LINGO2: variants seen among roughly 807,000 people sequenced by gnomAD.
The protein encoded by LINGO2 is leucine-rich repeat and immunoglobulin-like domain-containing nogo receptor-interacting protein 2.
A neutral mutation model predicts 30.6 loss-of-function variants in LINGO2; 14 were observed. The ratio of observed to expected loss-of-function variants is 0.46; its 90% confidence interval spans 0.30 to 0.72. The LOEUF (loss-of-function observed/expected upper bound fraction) is 0.72, where lower values mean the gene tolerates loss of function less well. Ranked by LOEUF, LINGO2 falls within the 30% of genes least tolerant of loss-of-function variation. LINGO2 has a pLI of 0.07. For synonymous variants in LINGO2, 317 were observed against 288.5 expected, an observed-to-expected ratio of 1.10 and a Z score of -1.00; for missense variants, 729 against 751.7, an observed-to-expected ratio of 0.97 and a Z score of 0.35.
At chr9:28,139,492 A>C (rs943568034) in intron 4 of LINGO2, among the ~76,000 whole-genome samples, 1 of 152,244 alleles carries the variant, frequency 6.6e-6, no homozygotes, top group African/African-American at 2.4e-5. Flanking sequence ...ACTGGGGCAC[A>C]AATGTAGAAA....
chr9:28,174,921 T>TGA lies in LINGO2; in HGVS notation c.-87+120285_-87+120286dup, dbSNP rs71502440. 1.5e-3 allele frequency among the ~76,000 whole-genome samples: 195 copies of TGA among 133,404 alleles called. 1 individual carries two copies. The East Asian group carries it at 0.016, about 11-fold the overall frequency. The allele number at this position is 133,404 out of a possible 152,430, so 87.5% of individuals were successfully genotyped here. On this transcript the variant is annotated intron_variant, in intron 4 of 5. Transcript: ENST00000379992. ...CTCTGTGTGTGTGTGTGTGTGTGTG[T>TGA]GAGAGAGAGAGAGAGAGAGAGAGAG... is the stretch of plus-strand genomic sequence containing the variant.
chr9:28,242,305 G>T (rs916519264), intron 4 of LINGO2, among the ~76,000 whole-genome samples: 1 of 152,108 alleles, frequency 6.6e-6, no homozygotes, highest in Non-Finnish European at 1.5e-5. Flanking sequence ...GAAAAACATA[G>T]CATGAGAACT....
the LINGO2 span, among the ~76,000 whole-genome samples, chr9:28,793,032 C>T: frequency 6.6e-6 from 1 of 152,124 alleles, no homozygotes; most frequent in Non-Finnish European, 1.5e-5. Context: ...TAAAGATACA[C>T]ACCCTGCCAC....
the LINGO2 span, among the ~76,000 whole-genome samples, chr9:29,090,965 C>G: frequency 6.6e-6 from 1 of 151,884 alleles, no homozygotes; most frequent in Admixed American, 6.6e-5. Flanking sequence ...ATTATAATTC[C>G]TACATGCACA....
At chr9:27,999,863 T>G (rs978032007) in intron 5 of LINGO2, among the ~76,000 whole-genome samples, 1 of 152,172 alleles carries the variant, frequency 6.6e-6, no homozygotes, top group East Asian at 1.9e-4. Flanking sequence ...CCATTAAAAG[T>G]AATGGCAAAA....
At chr9:28,484,867 C>T (rs1480348355) in intron 1 of LINGO2, among the ~76,000 whole-genome samples, 1 of 152,040 alleles carries the variant, frequency 6.6e-6, no homozygotes, top group Non-Finnish European at 1.5e-5. Flanking sequence ...TTGTGAGCAA[C>T]CCACAGACAA....
At chr9:27,949,896 G>A in exon 6 of LINGO2, 1 of 1,614,048 alleles carries the variant, frequency 6.2e-7, no homozygotes, top group Non-Finnish European at 8.5e-7. Context: ...AGACAGATTG[G>A]TGTTGGTGAC....
At chr9:28,224,114 G>C (rs757595698) in intron 4 of LINGO2, among the ~76,000 whole-genome samples, 4 of 152,162 alleles carry the variant, frequency 2.6e-5, no homozygotes, top group Non-Finnish European at 5.9e-5. Flanking sequence ...GCCCAGGCTG[G>C]AGTGCAGTGG....
chr9:27,994,154 AC>A (rs1320554763), intron 5 of LINGO2, among the ~76,000 whole-genome samples: 2 of 152,084 alleles, frequency 1.3e-5, no homozygotes, highest in East Asian at 3.9e-4. Flanking sequence ...CAAAAGTAGT[AC>A]TAAACGGAAA....
At chr9:28,630,629 A>C (rs1205040915) in intron 1 of LINGO2, among the ~76,000 whole-genome samples, 1 of 152,128 alleles carries the variant, frequency 6.6e-6, no homozygotes, top group Non-Finnish European at 1.5e-5. Flanking sequence ...GGAGGCTTCT[A>C]ATGCTATCAA....
At chr9:28,076,474 CT>C (rs141575683) in intron 4 of LINGO2, among the ~76,000 whole-genome samples, 1 of 150,264 alleles carries the variant, frequency 6.7e-6, no homozygotes, top group Admixed American at 6.6e-5. Context: ...TTACCTCAAG[CT>C]TTTTTTTTCA....
chr9:28,307,358 G>A (rs1055682860), intron 3 of LINGO2, among the ~76,000 whole-genome samples: 1 of 151,952 alleles, frequency 6.6e-6, no homozygotes, highest in Non-Finnish European at 1.5e-5. Context: ...ATGCAGAAAA[G>A]GCCTTTGACA....
chr9:28,331,259 G>A (rs1825408131), intron 3 of LINGO2, among the ~76,000 whole-genome samples: 1 of 151,614 alleles, frequency 6.6e-6, no homozygotes, highest in South Asian at 2.1e-4. Context: ...GAATATAGAA[G>A]CAAACAACTT....
intron 4 of LINGO2, among the ~76,000 whole-genome samples, chr9:28,279,881 T>C (rs1003866836): frequency 6.6e-6 from 1 of 152,166 alleles, no homozygotes; most frequent in East Asian, 1.9e-4. Context: ...GAATACACCA[T>C]ATTCATATAA....
intron 1 of LINGO2, among the ~76,000 whole-genome samples, chr9:28,492,565 G>A (rs954450793): frequency 6.6e-6 from 1 of 151,990 alleles, no homozygotes; most frequent in African/African-American, 2.4e-5. Flanking sequence ...TTAAAAGTAG[G>A]GCTTTACAAA....
At chr9:28,559,502 T>TGA (rs1822927159) in intron 1 of LINGO2, among the ~76,000 whole-genome samples, 1 of 152,116 alleles carries the variant, frequency 6.6e-6, no homozygotes, top group African/African-American at 2.4e-5. Flanking sequence ...TAGTATGCTC[T>TGA]TCCAACCTCA....
chr9:29,078,003 G>C, the LINGO2 span, among the ~76,000 whole-genome samples: 1 of 151,938 alleles, frequency 6.6e-6, no homozygotes, highest in Non-Finnish European at 1.5e-5. Context: ...CAGAGTACTA[G>C]AGGATTACAT....
rs528150202 is a variant in LINGO2, at chr9:28,633,942, G to A, written c.-365+36258C>T. ...CCAAAGAGAGGACATATTTTAAGCC[G>A]CTATTACTCTGTCATAGCTTCCTGT... On this transcript the variant is annotated intron_variant, in intron 1 of 5. Coordinates refer to ENST00000379992, the Ensembl canonical transcript of LINGO2. Among the ~76,000 whole-genome samples, 4 of 152,248 alleles carry A rather than the reference G, an allele frequency of 2.6e-5. No homozygotes were observed. In the East Asian group the frequency reaches 5.8e-4, roughly 22 times the overall value.
At chr9:28,293,079 A>AG (rs1299599999) in intron 4 of LINGO2, among the ~76,000 whole-genome samples, 2 of 151,682 alleles carry the variant, frequency 1.3e-5, no homozygotes, top group Non-Finnish European at 2.9e-5. Flanking sequence ...GCTGGCCCTG[A>AG]TTTTTTAAAA....
Sources: allele counts gnomAD v4.1 joint callset (sites outside exome capture counted in the v4.1 genomes callset), GRCh38; gene constraint gnomAD v4.1.1; transcripts MANE v1.5; gene names NCBI Gene and HGNC (gene_info 2026-07-23, HGNC 2026-07-21).